RALGAPA1: variants seen among roughly 807,000 people sequenced by gnomAD.
The protein encoded by RALGAPA1 is ral GTPase-activating protein subunit alpha-1.
RALGAPA1 carries 52 observed loss-of-function variants against 269.6 expected under a neutral mutation model. The observed-to-expected ratio is 0.19, with a 90% CI of 0.15 to 0.24. The LOEUF is 0.24. RALGAPA1 is among the 10% of genes least tolerant of loss of function. The pLI is 1.00. For missense variants in RALGAPA1, 1,917 were observed against 3,013.9 expected, an observed-to-expected ratio of 0.64 and a Z score of 8.52; for synonymous variants, 817 against 1,008.3, an observed-to-expected ratio of 0.81 and a Z score of 3.60.
In RALGAPA1 at chr14:35,587,403, T is replaced by A. The variant is rs190166498; in HGVS notation, c.7209+8231A>T. On this transcript the variant is annotated intron_variant, in intron 37 of 41. Transcript: ENST00000680220. ...CAAAGAAGTATAAATCATGCTGCTG[T>A]AAAAACACATGCATACGTATGTCTA... Among the ~76,000 whole-genome samples, 792 of 152,218 alleles carry A rather than the reference T, an allele frequency of 5.2e-3. 10 individuals are homozygous for A. The highest frequency in any genetic ancestry group is 0.018 in the African/African-American group (738 of 41,528).
intron 2 of RALGAPA1, 62 bp downstream of exon 2, chr14:35,775,573 G>T: frequency 6.6e-7 from 1 of 1,511,368 alleles, no homozygotes; most frequent in Non-Finnish European, 8.8e-7. Flanking sequence ...CAGCCTTTAA[G>T]TTATGTTTAT....
chr14:35,650,657 C>CTGGGA (rs2062766285), intron 31 of RALGAPA1, among the ~76,000 whole-genome samples: 1 of 152,116 alleles, frequency 6.6e-6, no homozygotes, highest in Non-Finnish European at 1.5e-5. Flanking sequence ...GGTCCAGAAA[C>CTGGGA]ATAACTATAG....
At position 35,762,768 on chromosome 14, in the gene RALGAPA1, TG is replaced by T; in HGVS notation, c.326-16del. The T allele has an allele frequency of 7.3e-7, 1 of 1,368,312 alleles. No individual in the cohort carries two copies. The highest frequency in any genetic ancestry group is 1.0e-6 in the Non-Finnish European group (1 of 956,618). 84.8% of individuals were successfully genotyped at this position (1,368,312 alleles called of 1,614,324 possible). A position where few individuals can be genotyped will look rare whatever the true frequency, so the allele number is the denominator to read the frequency against. ...TAAAATCAATCCTGAAAAGAAAATA[TG>T]ATTTTAAATATTCACATCTTATCTA... On this transcript the variant is annotated splice_polypyrimidine_tract_variant and intron_variant, in intron 4 of 41. Coordinates refer to ENST00000680220, the MANE Select transcript of RALGAPA1 (RefSeq NM_001346249.2).
At chr14:35,558,414 T>A (rs2055840678) in intron 39 of RALGAPA1, among the ~76,000 whole-genome samples, 1 of 152,218 alleles carries the variant, frequency 6.6e-6, no homozygotes, top group African/African-American at 2.4e-5. Context: ...GTGACGATTT[T>A]ATCCACTTCA....
rs2062844470 is a variant in RALGAPA1, at chr14:35,651,821, T to C, written c.5660A>G (p.Tyr1887Cys). ...HLLPSTEASS[Y>C]EMDKRLVVSL... The stretch of plus-strand genomic sequence containing the variant: ...TTAAATTACCCTCTTGTCCATTTCA[T>C]AAGATGAAGCCTCTGTACTTGGTAA... Residue 1887 changes from tyrosine (Y) to cysteine (C), a missense_variant, in exon 31 of 42, where the codon TAT becomes TGT. Tyr to Cys is a radical substitution (Grantham distance 194, BLOSUM62 -2). Around this residue, in one of 11 missense-constraint regions of RALGAPA1, gnomAD observed 346 missense variants for 566.1 expected, o/e 0.61. Coordinates refer to ENST00000680220, the MANE Select transcript of RALGAPA1 (RefSeq NM_001346249.2). 1 of 1,600,476 alleles carries C rather than the reference T, an allele frequency of 6.2e-7. No homozygotes were observed. The highest frequency in any genetic ancestry group is 8.5e-7 in the Non-Finnish European group (1 of 1,175,716).
rs376280108 is a variant in RALGAPA1, at chr14:35,609,095, G to A, written c.6930-3386C>T. On this transcript the variant is annotated intron_variant, in intron 35 of 41. Transcript: ENST00000680220. ...CAAAAAATTAGCCAGGCGTCGGTGG[G>A]GGGTGCCTGTAGTCCCAGCTACTTG... 2.4e-4 allele frequency among the ~76,000 whole-genome samples: 37 copies of A among 151,902 alleles called. No homozygotes were observed. In the East Asian group the frequency reaches 6.4e-3, roughly 26 times the overall value.
chr14:35,608,594 G>C (rs113443920), intron 35 of RALGAPA1, among the ~76,000 whole-genome samples: 38 of 152,292 alleles, frequency 2.5e-4, no homozygotes, highest in African/African-American at 8.7e-4. Context: ...AAAAATGTTA[G>C]AGATAGAGAT....
At chr14:35,742,693 A>G in intron 10 of RALGAPA1, 128 bp from the exon 11 acceptor site, 1 of 688,274 alleles carries the variant, frequency 1.5e-6, no homozygotes, top group Non-Finnish European at 2.6e-6. Context: ...ACAATGACAT[A>G]AAACAAAACT....
intron 1 of RALGAPA1, among the ~76,000 whole-genome samples, chr14:35,782,374 G>T (rs1452621605): frequency 6.6e-6 from 1 of 152,166 alleles, no homozygotes; most frequent in Non-Finnish European, 1.5e-5. Context: ...ATGCTGTTAA[G>T]ATAGCAACAG....
intron 39 of RALGAPA1, among the ~76,000 whole-genome samples, chr14:35,556,039 C>A (rs1035197442): frequency 3.9e-5 from 6 of 152,230 alleles, no homozygotes; most frequent in Admixed American, 3.3e-4. Flanking sequence ...AAACCCCTTG[C>A]ATGTTCTAAA....
intron 10 of RALGAPA1, among the ~76,000 whole-genome samples, chr14:35,745,850 C>T (rs555770686): frequency 3.3e-5 from 5 of 151,334 alleles, no homozygotes; most frequent in East Asian, 1.9e-4. Context: ...GCTGGGAGGC[C>T]GACGAGAGAG....
At chr14:35,643,766 G>A (rs2062191591) in intron 31 of RALGAPA1, among the ~76,000 whole-genome samples, 1 of 152,178 alleles carries the variant, frequency 6.6e-6, no homozygotes, top group Non-Finnish European at 1.5e-5. Flanking sequence ...ATTATGTTAA[G>A]TGAAATAAGC....
chr14:35,624,933 G>A (rs1344381959), intron 35 of RALGAPA1, among the ~76,000 whole-genome samples: 1 of 152,092 alleles, frequency 6.6e-6, no homozygotes, highest in Non-Finnish European at 1.5e-5. Context: ...GCTCACGCCT[G>A]TAATCCCAGC....
intron 37 of RALGAPA1, among the ~76,000 whole-genome samples, chr14:35,587,604 C>T (rs2058381132): frequency 6.6e-6 from 1 of 151,490 alleles, no homozygotes; most frequent in South Asian, 2.1e-4. Context: ...TCATTTTGAG[C>T]AAACTATTGC....
chr14:35,551,505 CT>C lies in RALGAPA1; in HGVS notation c.7497-2272del, dbSNP rs1379397320. Among the ~76,000 whole-genome samples the C allele has an allele frequency of 2.0e-5, 3 of 152,004 alleles. No individual in the cohort carries two copies. In the East Asian group the frequency reaches 5.8e-4, roughly 29 times the overall value. On this transcript the variant is annotated intron_variant, in intron 39 of 41. Transcript: ENST00000680220. ...AAAGTCTGCTTGAATGGGTAAAATG[CT>C]TCATGAAAAGTAGGGTGGAGACACC... is the stretch of plus-strand genomic sequence containing the variant.
intron 36 of RALGAPA1, among the ~76,000 whole-genome samples, chr14:35,597,499 T>C (rs2139045155): frequency 6.6e-6 from 1 of 152,266 alleles, no homozygotes; most frequent in South Asian, 2.1e-4. Context: ...ATCTCTATTG[T>C]TTAAATTAAA....
chr14:35,800,729 G>A (rs1368727628), intron 1 of RALGAPA1, among the ~76,000 whole-genome samples: 2 of 152,190 alleles, frequency 1.3e-5, no homozygotes, highest in Non-Finnish European at 2.9e-5. Flanking sequence ...AGACTGCCAG[G>A]CATGGTAGCT....
intron 12 of RALGAPA1, among the ~76,000 whole-genome samples, chr14:35,731,595 G>T (rs1200318650): frequency 6.6e-6 from 1 of 152,144 alleles, no homozygotes; most frequent in Non-Finnish European, 1.5e-5. Flanking sequence ...AAATGCTCTG[G>T]AAAGTCTCAG....
chr14:35,727,832 A>G (rs1315440637), intron 13 of RALGAPA1, among the ~76,000 whole-genome samples: 1 of 152,184 alleles, frequency 6.6e-6, no homozygotes, highest in Non-Finnish European at 1.5e-5. Flanking sequence ...GACAACAGGA[A>G]AAACAGCAGA....
Sources: gnomAD v4.1 joint callset for allele counts (sites outside exome capture counted in the v4.1 genomes callset) on GRCh38, gnomAD v4.1.1 for gene constraint, gnomAD v4.1.1 regional missense constraint, MANE v1.5 for transcripts, NCBI Gene and HGNC (gene_info 2026-07-23, HGNC 2026-07-21) for gene names.